EPB41L4A: variants seen among roughly 807,000 people sequenced by gnomAD.
The protein encoded by EPB41L4A is band 4.1-like protein 4A.
EPB41L4A carries 100 observed loss-of-function variants against 108.6 expected under a neutral mutation model. That is an observed-to-expected ratio of 0.92 (90% CI 0.78 to 1.09). The LOEUF (loss-of-function observed/expected upper bound fraction) is 1.09, where lower values mean the gene tolerates loss of function less well. EPB41L4A is among the 50% of genes least tolerant of loss of function. The pLI is 0.00. For synonymous variants in EPB41L4A, 319 were observed against 289.0 expected (o/e 1.10, Z -1.05); for missense variants, 1,030 against 842.7 (o/e 1.22, Z -2.75).
At chr5:112,226,572 C>T (rs947150827) in intron 12 of EPB41L4A, among the ~76,000 whole-genome samples, 1 of 152,108 alleles carries the variant, frequency 6.6e-6, no homozygotes, top group African/African-American at 2.4e-5. Flanking sequence ...AATGTCATCA[C>T]TGTTAATGAA....
At chr5:112,393,873 A>T (rs375715666) in intron 1 of EPB41L4A, among the ~76,000 whole-genome samples, 4 of 152,218 alleles carry the variant, frequency 2.6e-5, no homozygotes, top group African/African-American at 9.6e-5. Flanking sequence ...CCAGCAGCAC[A>T]TCAAAAGGCT....
intron 1 of EPB41L4A, among the ~76,000 whole-genome samples, chr5:112,368,537 T>G (rs1207484731): frequency 6.6e-6 from 1 of 152,154 alleles, no homozygotes; most frequent in African/African-American, 2.4e-5. Flanking sequence ...CATTTGAGAC[T>G]CTTGGTGTTC....
intron 1 of EPB41L4A, among the ~76,000 whole-genome samples, chr5:112,324,802 G>C (rs1041672678): frequency 1.3e-5 from 2 of 150,134 alleles, no homozygotes; most frequent in Admixed American, 1.3e-4. Context: ...GAATTGAAGA[G>C]AAATTTGACC....
At chr5:112,238,590 C>CT in intron 11 of EPB41L4A, among the ~76,000 whole-genome samples, 1 of 152,218 alleles carries the variant, frequency 6.6e-6, no homozygotes, top group East Asian at 1.9e-4. Flanking sequence ...CTTGCCTTGG[C>CT]TTTTTTTGTA....
intron 12 of EPB41L4A, among the ~76,000 whole-genome samples, chr5:112,220,333 G>T (rs1426021366): frequency 1.3e-5 from 2 of 152,110 alleles, no homozygotes; most frequent in African/African-American, 4.8e-5. Flanking sequence ...GTAAAAATGA[G>T]AAAATGACTT....
At position 112,215,680 on chromosome 5, in the gene EPB41L4A, G is replaced by A. The variant is rs572662187; in HGVS notation, c.1088-5698C>T. ...CGGGAGGGTGAGGCAGGAGAATGGC[G>A]TGATCCCGGAAGGTGGAGCTTGCAG... On this transcript the variant is annotated intron_variant, in intron 12 of 22. Transcript: ENST00000261486. Among the ~76,000 whole-genome samples, 34 of 146,928 alleles carry A rather than the reference G, an allele frequency of 2.3e-4. No homozygotes were observed. The Middle Eastern group carries it at 0.011, about 46-fold the overall frequency.
intron 17 of EPB41L4A, among the ~76,000 whole-genome samples, chr5:112,184,429 C>T (rs1020316959): frequency 7.2e-5 from 11 of 152,242 alleles, no homozygotes; most frequent in African/African-American, 2.2e-4. Context: ...TTCTAAGTTT[C>T]GACTAAAGAA....
chr5:112,261,628 TG>T (rs70973630), intron 7 of EPB41L4A, among the ~76,000 whole-genome samples: 45,258 of 152,038 alleles, frequency 0.3, 8,054 homozygotes, highest in South Asian at 0.56. Flanking sequence ...GCAGATTCAG[TG>T]TAATTGCTCA....
downstream of EPB41L4A, chr5:112,161,664 GTGTA>G (rs1759915057): frequency 1.9e-6 from 1 of 514,806 alleles, no homozygotes; most frequent in African/African-American, 1.9e-5. Flanking sequence ...CTAGCCTTAA[GTGTA>G]TGGTTTCTCT....
At chr5:112,381,358 T>C (rs77231450) in intron 1 of EPB41L4A, among the ~76,000 whole-genome samples, 2,597 of 152,320 alleles carry the variant, frequency 0.017, 61 homozygotes, top group African/African-American at 0.059. Flanking sequence ...ATGTTTGGCA[T>C]ACGTTATCTT....
At chr5:112,165,171 A>C in intron 22 of EPB41L4A, 53 bp from the exon 23 acceptor site, 1 of 1,434,146 alleles carries the variant, frequency 7.0e-7, no homozygotes, top group South Asian at 1.2e-5. Context: ...AGCCAAATGA[A>C]GTATTTTAAT....
At chr5:112,405,275 C>A (rs1015465230) in intron 1 of EPB41L4A, among the ~76,000 whole-genome samples, 1 of 152,192 alleles carries the variant, frequency 6.6e-6, no homozygotes, top group African/African-American at 2.4e-5. Flanking sequence ...GAACTGAGGG[C>A]TGCCCATATC....
chr5:112,206,387 C>T (rs1762474646), intron 13 of EPB41L4A, among the ~76,000 whole-genome samples: 1 of 151,694 alleles, frequency 6.6e-6, no homozygotes, highest in African/African-American at 2.4e-5. Flanking sequence ...AGACTTGCAC[C>T]CTAGTATACT....
chr5:112,390,237 C>T (rs575915796), intron 1 of EPB41L4A, among the ~76,000 whole-genome samples: 7 of 152,256 alleles, frequency 4.6e-5, no homozygotes, highest in South Asian at 4.1e-4. Context: ...CAAAGCAGGG[C>T]GGGGCATCGC....
At chr5:112,325,457 A>G (rs1298059906) in intron 1 of EPB41L4A, among the ~76,000 whole-genome samples, 1 of 151,990 alleles carries the variant, frequency 6.6e-6, no homozygotes, top group Non-Finnish European at 1.5e-5. Flanking sequence ...AAAAAAAAAA[A>G]AAGGGAGAGT....
At chr5:112,192,838 T>A (rs768455336) in intron 17 of EPB41L4A, among the ~76,000 whole-genome samples, 15 of 152,242 alleles carry the variant, frequency 9.9e-5, no homozygotes, top group Non-Finnish European at 1.8e-4. Context: ...AGAACACTTA[T>A]GGGCACAATT....
intron 1 of EPB41L4A, among the ~76,000 whole-genome samples, chr5:112,354,664 C>T (rs1282740161): frequency 6.6e-6 from 1 of 152,184 alleles, no homozygotes; most frequent in Non-Finnish European, 1.5e-5. Flanking sequence ...CATTTACAAA[C>T]ACCATCCAGA....
At chr5:112,364,550 G>A (rs1228144370) in intron 1 of EPB41L4A, among the ~76,000 whole-genome samples, 1 of 152,162 alleles carries the variant, frequency 6.6e-6, no homozygotes, top group Non-Finnish European at 1.5e-5. Flanking sequence ...TTCTAATGGA[G>A]AAACTCAGTG....
At chr5:112,260,222 C>G (rs1751400088) in intron 7 of EPB41L4A, among the ~76,000 whole-genome samples, 1 of 152,158 alleles carries the variant, frequency 6.6e-6, no homozygotes, top group Non-Finnish European at 1.5e-5. Flanking sequence ...TAAAATGAGC[C>G]TGGGCTACCA....
Sources: gnomAD v4.1 joint callset for allele counts (sites outside exome capture counted in the v4.1 genomes callset) on GRCh38, gnomAD v4.1.1 for gene constraint, MANE v1.5 for transcripts, NCBI Gene and HGNC (gene_info 2026-07-23, HGNC 2026-07-21) for gene names.